MSI2: variants seen among roughly 807,000 people sequenced by gnomAD.
The protein encoded by MSI2 is RNA-binding protein Musashi homolog 2.
MSI2 carries 17 observed loss-of-function variants against 45.6 expected under a neutral mutation model. The observed-to-expected ratio is 0.37, with a 90% CI of 0.26 to 0.56. The LOEUF (loss-of-function observed/expected upper bound fraction) is 0.56, where lower values mean the gene tolerates loss of function less well. Among genes scored for constraint, MSI2 ranks in the 20% least tolerant of loss-of-function variants. The probability of loss-of-function intolerance (pLI) is 0.77; values close to 1 mark genes in which losing one functional copy is unlikely to be tolerated. For missense variants in MSI2, 293 were observed against 444.2 expected (o/e 0.66, Z 3.06); for synonymous variants, 156 against 158.2 (o/e 0.99, Z 0.11).
chr17:57,461,533 ATTTT>A (rs34312371), intron 6 of MSI2, among the ~76,000 whole-genome samples: 7 of 136,156 alleles, frequency 5.1e-5, no homozygotes, highest in Non-Finnish European at 7.9e-5. Flanking sequence ...CAACTCTTGG[ATTTT>A]TTTTTTTTTT....
intron 5 of MSI2, among the ~76,000 whole-genome samples, chr17:57,285,060 G>A (rs755555607): frequency 2.0e-5 from 3 of 151,954 alleles, no homozygotes; most frequent in Non-Finnish European, 2.9e-5. Flanking sequence ...ATAGATTGGC[G>A]TCGGTTTCTT....
intron 5 of MSI2, chr17:57,265,539 A>C (rs1226890392): frequency 6.6e-6 from 1 of 152,204 alleles, no homozygotes; most frequent in African/African-American, 2.4e-5. Flanking sequence ...ATCTGTTTAG[A>C]CCAGAATTTT....
chr17:57,400,820 C>T (rs530349872), intron 5 of MSI2, among the ~76,000 whole-genome samples: 1 of 151,922 alleles, frequency 6.6e-6, no homozygotes, highest in African/African-American at 2.4e-5. Context: ...CAGGGTGAAT[C>T]AAGATGAATC....
rs138403359 is a variant in MSI2, at chr17:57,515,308, A to G, written c.406-14368A>G. Among the ~76,000 whole-genome samples the G allele has an allele frequency of 6.3e-3, 960 of 152,160 alleles. 11 individuals carry two copies. Among genetic ancestry groups the G allele is most frequent in the African/African-American group, 0.022 (908 of 41,506 alleles). On this transcript the variant is annotated intron_variant, in intron 6 of 13. Transcript: ENST00000284073. The stretch of plus-strand genomic sequence containing the variant: ...AACCTCCGCCTCCCGGGTTTAAGCA[A>G]TTCTCCTGCCTCAACATCCCGAGTA...
chr17:57,652,206 T>G lies in MSI2; in HGVS notation c.790+45T>G, dbSNP rs551772519. 1.5e-5 allele frequency: 24 copies of G among 1,558,226 alleles called. No homozygotes were observed. In the East Asian group the frequency reaches 4.5e-4, roughly 29 times the overall value. On this transcript the variant is annotated intron_variant, in intron 11 of 13. Transcript: ENST00000284073. This position sits in a 1 kb window ranked among gnomAD's most constrained non-coding sequence, Gnocchi z 4.1. ...AGGCGACTCCCAGGCATGCCCCCAG[T>G]GTGCAGGGGGAGGTCAAGGCCCTGT...
Position 57,675,145 on chromosome 17 carries a change from C to T in MSI2, c.945+19C>T, listed in dbSNP as rs1913133784. The stretch of plus-strand genomic sequence containing the variant: ...CATAGCTGTAAGTACCTGCCTTCCC[C>T]TGCCCTCCTGCCTCCTCCTTCCTGA... On this transcript the variant is annotated intron_variant, in intron 12 of 13. Coordinates refer to ENST00000284073, the MANE Select transcript of MSI2 (RefSeq NM_138962.4). 1 of 1,603,096 alleles carries T rather than the reference C, an allele frequency of 6.2e-7. No homozygotes were observed. Among genetic ancestry groups the T allele is most frequent in the African/African-American group, 1.3e-5 (1 of 74,826 alleles).
At chr17:57,372,406 G>A (rs917034985) in intron 5 of MSI2, among the ~76,000 whole-genome samples, 1 of 152,236 alleles carries the variant, frequency 6.6e-6, no homozygotes, top group Non-Finnish European at 1.5e-5. Flanking sequence ...GGAAGAGAAT[G>A]AGGAAGATTC....
In MSI2 at chr17:57,680,658, T is replaced by C. The variant is rs1913542324; in HGVS notation, c.*1141T>C. On this transcript the variant is annotated 3_prime_UTR_variant, in exon 14 of 14. Transcript: ENST00000284073. The stretch of plus-strand genomic sequence containing the variant: ...CGTCTAGTTAGATTTTTATTTAAAA[T>C]ATGAAAAACTGCTTTTCCCAAGATG... The C allele has an allele frequency of 9.6e-6, 2 of 207,504 alleles. No homozygotes were observed. Among genetic ancestry groups the C allele is most frequent in the South Asian group, 3.8e-4 (2 of 5,274 alleles). The allele number at this position is 207,504 out of a possible 1,614,324, so 12.9% of individuals were successfully genotyped here.
chr17:57,368,170 A>G (rs932572031), intron 5 of MSI2, among the ~76,000 whole-genome samples: 5 of 152,208 alleles, frequency 3.3e-5, no homozygotes, highest in African/African-American at 4.8e-5. Context: ...ATGAATATAC[A>G]GTAGAATTTT....
At chr17:57,401,061 C>A (rs2083980489) in intron 5 of MSI2, among the ~76,000 whole-genome samples, 2 of 152,166 alleles carry the variant, frequency 1.3e-5, no homozygotes, top group Admixed American at 1.3e-4. Context: ...CGTCTCTTAG[C>A]TTTAAAATAG....
At position 57,389,842 on chromosome 17, in the gene MSI2, C is replaced by T. The variant is rs547890906; in HGVS notation, c.313-11537C>T. Among the ~76,000 whole-genome samples, 18 of 152,272 alleles carry T rather than the reference C, an allele frequency of 1.2e-4. No homozygotes were observed. In the East Asian group the frequency reaches 3.3e-3, roughly 28 times the overall value. ...TTTATGCGTAGTTTGCCTAAAATTA[C>T]CCAGCTAGGACTCAAGTCCAGCAGT... is the stretch of plus-strand genomic sequence containing the variant. On this transcript the variant is annotated intron_variant, in intron 5 of 13. Transcript: ENST00000284073.
chr17:57,579,358 G>T (rs2088138654), intron 7 of MSI2, among the ~76,000 whole-genome samples: 1 of 152,194 alleles, frequency 6.6e-6, no homozygotes, highest in Non-Finnish European at 1.5e-5. Context: ...AGGACGCAGG[G>T]ATGATCTGGC....
At position 57,681,463 on chromosome 17, in the gene MSI2, C is replaced by T. The variant is rs1381918519; in HGVS notation, c.*1946C>T. On this transcript the variant is annotated 3_prime_UTR_variant, in exon 14 of 14. Coordinates refer to ENST00000284073, the MANE Select transcript of MSI2 (RefSeq NM_138962.4). ...TGAATGCGACATTTATTATAAAGAGCTGCTGCACTCCTATTTTTATAAATT... is the reference window on the plus strand; with the variant it reads ...TGAATGCGACATTTATTATAAAGAGTTGCTGCACTCCTATTTTTATAAATT... 8.3e-5 allele frequency: 15 copies of T among 180,724 alleles called. No homozygotes were observed. Among genetic ancestry groups the T allele is most frequent in the Admixed American group, 2.5e-4 (4 of 15,916 alleles). The allele number at this position is 180,724 out of a possible 1,614,324, so 11.2% of individuals were successfully genotyped here. A position where few individuals can be genotyped will look rare whatever the true frequency, so the allele number is the denominator to read the frequency against.
rs561267632 is a variant in MSI2, at chr17:57,257,228, C to T, written c.103+90C>T. On this transcript the variant is annotated intron_variant, in intron 2 of 13. Coordinates refer to ENST00000284073, the MANE Select transcript of MSI2 (RefSeq NM_138962.4). ...TCCCGGTGTAGGAGCCCCCCCCCCC[C>T]CGCCATTGGCTCCCCACTTCTCCTG... 3.8e-3 allele frequency: 1,842 copies of T among 480,242 alleles called. 37 individuals carry two copies. The highest frequency in any genetic ancestry group is 4.3e-3 in the Non-Finnish European group (1,302 of 302,070). The allele number at this position is 480,242 out of a possible 1,614,324, so 29.7% of individuals were successfully genotyped here.
chr17:57,490,890 C>G (rs2085857214), intron 6 of MSI2, among the ~76,000 whole-genome samples: 1 of 69,446 alleles, frequency 1.4e-5, no homozygotes, highest in South Asian at 6.7e-4. Context: ...TTCTTCCCCT[C>G]TGTTTTTTTC....
intron 6 of MSI2, chr17:57,449,109 A>G (rs1598282291): frequency 6.6e-6 from 1 of 152,310 alleles, no homozygotes. Context: ...ATGATGTGCC[A>G]GTACCCACCC....
intron 7 of MSI2, among the ~76,000 whole-genome samples, chr17:57,533,195 A>G (rs1001807173): frequency 6.6e-6 from 1 of 151,996 alleles, no homozygotes; most frequent in African/African-American, 2.4e-5. Context: ...GGCAGCTTGT[A>G]TCTCCCATCC....
At chr17:57,647,792 C>T (rs1039881688) in intron 10 of MSI2, among the ~76,000 whole-genome samples, 1 of 151,298 alleles carries the variant, frequency 6.6e-6, no homozygotes, top group African/African-American at 2.4e-5. Flanking sequence ...CAGACATGCG[C>T]CACCACACCC....
intron 5 of MSI2, among the ~76,000 whole-genome samples, chr17:57,359,710 A>T (rs114617990): frequency 2.9e-4 from 44 of 152,302 alleles, no homozygotes; most frequent in African/African-American, 1.0e-3. Context: ...CGGAAATCCC[A>T]ATTGTTGAGG....
Sources: gnomAD v4.1 joint callset for allele counts (sites outside exome capture counted in the v4.1 genomes callset) on GRCh38, gnomAD v4.1.1 for gene constraint, Gnocchi (gnomAD v3.1) non-coding constraint, MANE v1.5 for transcripts, NCBI Gene and HGNC (gene_info 2026-07-23, HGNC 2026-07-21) for gene names.